Variants in CNTN5 observed in about 807,000 individuals in gnomAD.
The protein encoded by CNTN5 is contactin-5.
A neutral mutation model predicts 129.1 loss-of-function variants in CNTN5; 77 were observed. The observed-to-expected ratio is 0.60, with a 90% CI of 0.50 to 0.72. The LOEUF (loss-of-function observed/expected upper bound fraction) is 0.72. Ranked by LOEUF, CNTN5 falls within the 30% of genes least tolerant of loss-of-function variation. CNTN5 has a pLI of 0.00. For missense variants in CNTN5, 1,478 were observed against 1,328.8 expected (o/e 1.11, Z -1.75); for synonymous variants, 509 against 465.6 (o/e 1.09, Z -1.20).
In CNTN5 at chr11:99,172,141, T is replaced by C. The variant is rs188968825; in HGVS notation, c.-210+150871T>C. Among the ~76,000 whole-genome samples the C allele has an allele frequency of 1.1e-4, 16 of 152,332 alleles. No homozygotes were observed. In the East Asian group the frequency reaches 3.1e-3, roughly 29 times the overall value. On this transcript the variant is annotated intron_variant, in intron 1 of 24. Coordinates refer to ENST00000524871, the MANE Select transcript of CNTN5 (RefSeq NM_014361.4). Reference sequence around the variant, plus strand: ...GCGTGTCAGAAACTTTGGATAACCGTTGCAGTTCTGCCTCTGTGGCATAGT... The same window carrying C: ...GCGTGTCAGAAACTTTGGATAACCGCTGCAGTTCTGCCTCTGTGGCATAGT...
chr11:99,054,810 G>T, intron 1 of CNTN5, among the ~76,000 whole-genome samples: 1 of 151,890 alleles, frequency 6.6e-6, no homozygotes, highest in South Asian at 2.1e-4. Context: ...TTGATAAGTC[G>T]ACTTGAATAA....
intron 2 of CNTN5, among the ~76,000 whole-genome samples, chr11:99,546,470 G>C: frequency 6.6e-6 from 1 of 151,862 alleles, no homozygotes; most frequent in African/African-American, 2.4e-5. Flanking sequence ...AATTGAGAGA[G>C]GAAACTTTAG....
chr11:99,415,855 G>A (rs987509799), intron 2 of CNTN5, among the ~76,000 whole-genome samples: 2 of 152,170 alleles, frequency 1.3e-5, no homozygotes, highest in African/African-American at 4.8e-5. Context: ...TCAATATTAT[G>A]AAGAAGGAAA....
rs117215933 is a variant in CNTN5, at chr11:99,075,074, T to C, written c.-210+53804T>C. Reference sequence around the variant, plus strand: ...AAAACAGAAGAATGCCTAGAATTGGTTATAAATTCTGCACTTTCGTGAATT... The same window carrying C: ...AAAACAGAAGAATGCCTAGAATTGGCTATAAATTCTGCACTTTCGTGAATT... On this transcript the variant is annotated intron_variant, in intron 1 of 24. Transcript: ENST00000524871. Among the ~76,000 whole-genome samples the C allele has an allele frequency of 1.3e-4, 20 of 152,304 alleles. No individual in the cohort carries two copies. In the East Asian group the frequency reaches 2.1e-3, roughly 16 times the overall value.
intron 1 of CNTN5, among the ~76,000 whole-genome samples, chr11:99,115,459 T>C (rs1202262611): frequency 6.6e-6 from 1 of 152,104 alleles, no homozygotes; most frequent in Non-Finnish European, 1.5e-5. Flanking sequence ...ATGCCATTCT[T>C]AGAAAAGATA....
chr11:100,273,939 G>A (rs1950454926), intron 18 of CNTN5, among the ~76,000 whole-genome samples: 1 of 152,146 alleles, frequency 6.6e-6, no homozygotes, highest in African/African-American at 2.4e-5. Context: ...AAAGAAGAAA[G>A]CTGGAGGCAA....
intron 3 of CNTN5, among the ~76,000 whole-genome samples, chr11:99,734,706 AT>A (rs57330066): frequency 0.33 from 47,792 of 146,838 alleles, 7,910 homozygotes; most frequent in East Asian, 0.58. Flanking sequence ...TATTACACTG[AT>A]TTTTTTTTTT....
At chr11:99,781,899 C>A (rs995566874) in intron 3 of CNTN5, among the ~76,000 whole-genome samples, 1 of 152,092 alleles carries the variant, frequency 6.6e-6, no homozygotes, top group African/African-American at 2.4e-5. Context: ...TGGAAGCATT[C>A]TCTTTGAAAA....
chr11:99,642,141 G>A (rs186451616), intron 3 of CNTN5, among the ~76,000 whole-genome samples: 2 of 152,236 alleles, frequency 1.3e-5, no homozygotes, highest in African/African-American at 2.4e-5. Flanking sequence ...GTAGCCTCTG[G>A]TCATGTTCCC....
At chr11:99,946,116 C>G (rs1303263766) in intron 7 of CNTN5, among the ~76,000 whole-genome samples, 2 of 152,108 alleles carry the variant, frequency 1.3e-5, no homozygotes, top group African/African-American at 4.8e-5. Flanking sequence ...CGGTCATCTC[C>G]TAAATCAGTG....
chr11:100,271,458 G>C (rs1950406371), intron 18 of CNTN5, among the ~76,000 whole-genome samples: 1 of 151,974 alleles, frequency 6.6e-6, no homozygotes, highest in African/African-American at 2.4e-5. Context: ...TCATCTAAAT[G>C]CTTCAATTTT....
intron 3 of CNTN5, among the ~76,000 whole-genome samples, chr11:99,557,036 G>T (rs1175732482): frequency 4.0e-5 from 6 of 151,160 alleles, no homozygotes; most frequent in African/African-American, 1.5e-4. Flanking sequence ...ATTTAAATCA[G>T]TACCTATATT....
chr11:100,051,447 T>G (rs1942950597), intron 9 of CNTN5, among the ~76,000 whole-genome samples: 1 of 151,976 alleles, frequency 6.6e-6, no homozygotes, highest in South Asian at 2.1e-4. Context: ...TTTAACTGAA[T>G]AATAATGAAA....
intron 2 of CNTN5, among the ~76,000 whole-genome samples, chr11:99,489,688 A>G (rs764587487): frequency 7.2e-5 from 11 of 152,186 alleles, no homozygotes; most frequent in Admixed American, 2.0e-4. Context: ...GTGAAGCAAG[A>G]TATCCATTCT....
rs1712442968 is a variant in CNTN5 at position 99,761,101 on chromosome 11, G to A, written c.56-58443G>A. Among the ~76,000 whole-genome samples, 4 of 152,032 alleles carry A rather than the reference G, an allele frequency of 2.6e-5. No homozygotes were observed. The South Asian group carries it at 8.3e-4, about 32-fold the overall frequency. On this transcript the variant is annotated intron_variant, in intron 3 of 24. Transcript: ENST00000524871. Reference sequence around the variant, plus strand: ...CTCAGTGAACGTTCCTGTATGACAAGGATGATATATGTGTAGAAGGTAATT... The same window carrying A: ...CTCAGTGAACGTTCCTGTATGACAAAGATGATATATGTGTAGAAGGTAATT...
chr11:99,263,292 T>C (rs1862731187), intron 1 of CNTN5, among the ~76,000 whole-genome samples: 1 of 152,122 alleles, frequency 6.6e-6, no homozygotes, highest in South Asian at 2.1e-4. Flanking sequence ...GAAAAAACTA[T>C]CCTTTTGAAA....
chr11:100,275,767 G>A (rs145712542), intron 18 of CNTN5, among the ~76,000 whole-genome samples: 13 of 152,278 alleles, frequency 8.5e-5, no homozygotes, highest in East Asian at 5.8e-4. Flanking sequence ...AAAAATGCAC[G>A]AAGTACTCTC....
intron 4 of CNTN5, among the ~76,000 whole-genome samples, chr11:99,826,980 G>A (rs1946980472): frequency 1.3e-5 from 2 of 152,178 alleles, no homozygotes; most frequent in African/African-American, 4.8e-5. Context: ...CAGAGATAAA[G>A]AGAAAATAAT....
At chr11:99,074,411 T>C (rs1424758376) in intron 1 of CNTN5, among the ~76,000 whole-genome samples, 5 of 152,196 alleles carry the variant, frequency 3.3e-5, no homozygotes, top group Non-Finnish European at 7.3e-5. Context: ...TTGGCTTTTG[T>C]TGCAATAACC....
Sources: gnomAD v4.1 joint callset for allele counts (sites outside exome capture counted in the v4.1 genomes callset) on GRCh38, gnomAD v4.1.1 for gene constraint, MANE v1.5 for transcripts, NCBI Gene and HGNC (gene_info 2026-07-23, HGNC 2026-07-21) for gene names.